The following PCCA variants were observed in gnomAD, a reference collection of about 807,000 sequenced individuals.
PCCA encodes propionyl-CoA carboxylase alpha chain, mitochondrial.
Under a neutral mutation model 101.3 loss-of-function variants are expected in PCCA, and 74 were observed. The observed-to-expected ratio is 0.73, with a 90% CI of 0.61 to 0.89. PCCA has a LOEUF of 0.89. PCCA is among the 40% of genes least tolerant of loss of function. The pLI, the probability that PCCA is intolerant of heterozygous loss-of-function variation, is 0.00. For missense variants in PCCA, 891 were observed against 907.0 expected (o/e 0.98, Z 0.23); for synonymous variants, 294 against 313.6 (o/e 0.94, Z 0.66).
chr13:100,529,454 T>TTAAG lies in PCCA; in HGVS notation c.2119-642_2119-639dup, dbSNP rs576675217. ...CACCTCAAGCCCCTCCTTGCTAATT[T>TTAAG]TAAGTCAGAACACAAATTTCGGAAA... On this transcript the variant is annotated intron_variant, in intron 23 of 23. Transcript: ENST00000376285. Among the ~76,000 whole-genome samples the TTAAG allele has an allele frequency of 2.0e-5, 3 of 152,242 alleles. No individual in the cohort carries two copies. The South Asian group carries it at 6.2e-4, about 32-fold the overall frequency.
intron 4 of PCCA, among the ~76,000 whole-genome samples, chr13:100,152,358 CTTTT>C (rs5806152): frequency 7.2e-6 from 1 of 138,478 alleles, no homozygotes; most frequent in Non-Finnish European, 1.6e-5. Flanking sequence ...TTGGAGCACT[CTTTT>C]TTTTTTTTTT....
intron 13 of PCCA, 26 bp from the exon 14 acceptor site, chr13:100,302,898 G>A (rs754738081): frequency 4.8e-5 from 63 of 1,314,458 alleles, no homozygotes; most frequent in Middle Eastern, 3.6e-4. Context: ...TTCAAAGACT[G>A]TGCTTCCTTT....
At chr13:100,127,243 T>A (rs1250729194) in intron 4 of PCCA, among the ~76,000 whole-genome samples, 1 of 152,194 alleles carries the variant, frequency 6.6e-6, no homozygotes, top group East Asian at 1.9e-4. Flanking sequence ...ACCATCCAGC[T>A]TTTTTTAATC....
intron 19 of PCCA, among the ~76,000 whole-genome samples, chr13:100,395,696 G>C (rs949108184): frequency 6.6e-6 from 1 of 152,056 alleles, no homozygotes; most frequent in Non-Finnish European, 1.5e-5. Context: ...TCTGCCTTTG[G>C]TACAGTGTTC....
intron 20 of PCCA, among the ~76,000 whole-genome samples, chr13:100,426,733 T>A (rs1460359824): frequency 6.6e-6 from 1 of 152,170 alleles, no homozygotes; most frequent in Non-Finnish European, 1.5e-5. Flanking sequence ...CTTGTCCCAG[T>A]ATATTTTTTC....
rs189961939 is a variant in PCCA, at chr13:100,262,714, T to G, written c.717-15T>G. 9.9e-6 allele frequency: 10 copies of G among 1,008,500 alleles called. No homozygotes were observed. The East Asian group carries it at 3.7e-4, about 37-fold the overall frequency. 62.5% of individuals were successfully genotyped at this position (1,008,500 alleles called of 1,614,324 possible). On this transcript the variant is annotated splice_polypyrimidine_tract_variant and intron_variant, in intron 9 of 23. Transcript: ENST00000376285. ...CCTCTCCCCCCCTCCTCCTTCTTCC[T>G]TCTTTTTTTCACAGGGATGGTTTTA...
intron 9 of PCCA, among the ~76,000 whole-genome samples, chr13:100,262,027 G>C (rs1301620008): frequency 6.6e-6 from 1 of 151,986 alleles, no homozygotes; most frequent in Non-Finnish European, 1.5e-5. Flanking sequence ...TTATATTTTT[G>C]CTAGTGGAAT....
intron 21 of PCCA, among the ~76,000 whole-genome samples, chr13:100,470,509 T>C (rs2082920528): frequency 6.6e-6 from 1 of 152,122 alleles, no homozygotes. Context: ...CTAGCATTTG[T>C]ACAAGACCCC....
chr13:100,359,705 C>G (rs1386736648), intron 18 of PCCA, among the ~76,000 whole-genome samples: 1 of 152,172 alleles, frequency 6.6e-6, no homozygotes, highest in Non-Finnish European at 1.5e-5. Context: ...TCTAAGGAGT[C>G]TGCCATACAA....
At chr13:100,487,669 G>A (rs1049678673) in intron 21 of PCCA, among the ~76,000 whole-genome samples, 2 of 152,122 alleles carry the variant, frequency 1.3e-5, no homozygotes, top group Admixed American at 1.3e-4. Context: ...GTACTAAGTA[G>A]CCTTTCCCAG....
intron 8 of PCCA, among the ~76,000 whole-genome samples, chr13:100,246,138 G>A (rs1427376294): frequency 6.6e-6 from 1 of 152,188 alleles, no homozygotes. Flanking sequence ...CCGAGGACAA[G>A]TCAGCTTTTG....
chr13:100,131,800 G>A (rs74116310), intron 4 of PCCA, among the ~76,000 whole-genome samples: 2 of 152,158 alleles, frequency 1.3e-5, no homozygotes, highest in Non-Finnish European at 2.9e-5. Context: ...TTTGAACTAG[G>A]CAGTTGTGGT....
At chr13:100,162,994 A>G (rs1344135045) in intron 6 of PCCA, among the ~76,000 whole-genome samples, 1 of 152,148 alleles carries the variant, frequency 6.6e-6, no homozygotes, top group Non-Finnish European at 1.5e-5. Context: ...TTCCTTTCCT[A>G]TATGTTGGCT....
At chr13:100,314,650 A>G (rs2067188053) in intron 16 of PCCA, among the ~76,000 whole-genome samples, 1 of 152,216 alleles carries the variant, frequency 6.6e-6, no homozygotes, top group African/African-American at 2.4e-5. Context: ...CTTGCCAAAA[A>G]TGTACAACCT....
intron 6 of PCCA, among the ~76,000 whole-genome samples, chr13:100,177,747 A>G (rs771465375): frequency 2.6e-5 from 4 of 152,200 alleles, no homozygotes; most frequent in Admixed American, 6.5e-5. Context: ...CCATGTAAAA[A>G]TAACTCAAGT....
chr13:100,242,757 C>T lies in PCCA; in HGVS notation c.637+6879C>T, dbSNP rs559268609. On this transcript the variant is annotated intron_variant, in intron 8 of 23. Transcript: ENST00000376285. ...AGTTTGATATAGAAATATTTTTCCC[C>T]GCATGTACTGATTTATATTGATGGA... 1.8e-3 allele frequency among the ~76,000 whole-genome samples: 278 copies of T among 152,178 alleles called. 3 individuals carry two copies. Among genetic ancestry groups the T allele is most frequent in the Non-Finnish European group, 2.6e-3 (180 of 68,010 alleles).
At chr13:100,230,562 C>T (rs2060410257) in intron 7 of PCCA, among the ~76,000 whole-genome samples, 1 of 149,408 alleles carries the variant, frequency 6.7e-6, no homozygotes. Flanking sequence ...AAAGAAAGAA[C>T]GTGGCATTAG....
chr13:100,429,504 A>G (rs1002407618), intron 20 of PCCA, among the ~76,000 whole-genome samples: 1 of 152,090 alleles, frequency 6.6e-6, no homozygotes, highest in Non-Finnish European at 1.5e-5. Flanking sequence ...ATTTTTGAGC[A>G]TACATATAAA....
chr13:100,155,313 C>G (rs942041328), intron 5 of PCCA, among the ~76,000 whole-genome samples: 1 of 152,236 alleles, frequency 6.6e-6, no homozygotes, highest in African/African-American at 2.4e-5. Flanking sequence ...CTGCTGGATT[C>G]AGCTTTCACA....
Sources: gnomAD v4.1 joint callset for allele counts (sites outside exome capture counted in the v4.1 genomes callset) on GRCh38, gnomAD v4.1.1 for gene constraint, MANE v1.5 for transcripts, NCBI Gene and HGNC (gene_info 2026-07-23, HGNC 2026-07-21) for gene names.